RANBP17: variants seen among roughly 807,000 people sequenced by gnomAD.
RANBP17 encodes the protein RAN binding protein 17.
Under a neutral mutation model 141.2 loss-of-function variants are expected in RANBP17, and 158 were observed. That is an observed-to-expected ratio of 1.12 (90% CI 0.98 to 1.28). The LOEUF is 1.28. RANBP17 is among the 50% of genes most tolerant of loss of function. The pLI is 0.00. For missense variants in RANBP17, 1,438 were observed against 1,290.7 expected (o/e 1.11, Z -1.75); for synonymous variants, 430 against 450.0 (o/e 0.96, Z 0.56).
intron 14 of RANBP17, among the ~76,000 whole-genome samples, chr5:170,971,447 A>G (rs531765874): frequency 6.6e-6 from 1 of 152,182 alleles, no homozygotes; most frequent in Non-Finnish European, 1.5e-5. Context: ...GGGTTAACCA[A>G]TGTGTTTAAG....
At chr5:171,159,936 A>G (rs1051085330) in intron 14 of RANBP17, among the ~76,000 whole-genome samples, 50 of 151,010 alleles carry the variant, frequency 3.3e-4, no homozygotes, top group African/African-American at 7.0e-4. Flanking sequence ...AAAAAAAAAA[A>G]AAAAAGAAAA....
chr5:170,968,154 T>C (rs1277411618), intron 13 of RANBP17, 88 bp from the exon 14 acceptor site: 2 of 936,632 alleles, frequency 2.1e-6, no homozygotes, highest in East Asian at 5.2e-5. Context: ...AGTGATTATA[T>C]GTTATATTAC....
At chr5:171,176,789 A>G (rs1158337727) in intron 16 of RANBP17, among the ~76,000 whole-genome samples, 1 of 152,172 alleles carries the variant, frequency 6.6e-6, no homozygotes, top group East Asian at 1.9e-4. Flanking sequence ...TGCAGCTTTT[A>G]AACTTACCAA....
At chr5:170,884,038 C>G (rs893885110) in intron 3 of RANBP17, among the ~76,000 whole-genome samples, 3 of 152,174 alleles carry the variant, frequency 2.0e-5, no homozygotes, top group Non-Finnish European at 4.4e-5. Flanking sequence ...CACTGTCTTT[C>G]AAGGTGGCTG....
chr5:170,932,872 T>C (rs536165807), intron 12 of RANBP17, among the ~76,000 whole-genome samples: 2 of 151,898 alleles, frequency 1.3e-5, no homozygotes, highest in South Asian at 2.1e-4. Flanking sequence ...AAAATTCTCT[T>C]TTTTTTTGTT....
chr5:170,954,058 C>A (rs1340444704), intron 13 of RANBP17, among the ~76,000 whole-genome samples: 1 of 152,022 alleles, frequency 6.6e-6, no homozygotes, highest in Non-Finnish European at 1.5e-5. Context: ...AGTCAGTTAC[C>A]CATCGCAGGT....
Position 171,241,101 on chromosome 5 carries a change from T to A in RANBP17, c.2596T>A (p.Phe866Ile). The change falls in exon 23 of 28, where the codon TTT becomes ATT. Residue 866 changes from phenylalanine (F) to isoleucine (I), a missense_variant. Physicochemically the swap from Phe to Ile is conservative, Grantham distance 21. Coordinates refer to ENST00000523189, the MANE Select transcript of RANBP17 (RefSeq NM_022897.5). ...DNHFDNVLQA[F>I]VKMLLSVSHS... ...CCATTTTGACAATGTACTCCAGGCT[T>A]TTGTCAAAATGCTGCTGTCAGTGTC... 8.7e-6 allele frequency: 14 copies of A among 1,613,724 alleles called. No individual in the cohort carries two copies. Among genetic ancestry groups the A allele is most frequent in the African/African-American group, 1.3e-5 (1 of 74,972 alleles).
intron 14 of RANBP17, among the ~76,000 whole-genome samples, chr5:171,050,612 CAGA>C (rs1782893825): frequency 6.6e-6 from 1 of 152,022 alleles, no homozygotes; most frequent in Non-Finnish European, 1.5e-5. Context: ...GAGGCTGAGG[CAGA>C]AGGATGGCTT....
chr5:171,166,780 A>G (rs911327348), intron 14 of RANBP17, among the ~76,000 whole-genome samples: 14 of 152,224 alleles, frequency 9.2e-5, no homozygotes, highest in Non-Finnish European at 2.1e-4. Flanking sequence ...AAAATGAGAA[A>G]CAGTCTTTTA....
At chr5:171,226,024 T>C (rs1763858436) in intron 22 of RANBP17, among the ~76,000 whole-genome samples, 1 of 152,206 alleles carries the variant, frequency 6.6e-6, no homozygotes, top group Admixed American at 6.5e-5. Context: ...TACCACATTT[T>C]CTACTAGCCC....
chr5:171,082,095 C>G (rs1785287517), intron 14 of RANBP17, among the ~76,000 whole-genome samples: 1 of 152,058 alleles, frequency 6.6e-6, no homozygotes, highest in South Asian at 2.1e-4. Context: ...GTTCTTCTTC[C>G]TAGCCCTTAA....
At chr5:171,117,919 A>G (rs1304428699) in intron 14 of RANBP17, among the ~76,000 whole-genome samples, 1 of 152,048 alleles carries the variant, frequency 6.6e-6, no homozygotes, top group Non-Finnish European at 1.5e-5. Flanking sequence ...TCCCTTGCCA[A>G]TTAATAGTTT....
rs551823083 is a variant in RANBP17, at chr5:171,027,108, G to C, written c.1710+58731G>C. On this transcript the variant is annotated intron_variant, in intron 14 of 27. Transcript: ENST00000523189. ...CCACTATCCGTCCAGGGAAAAATTT[G>C]GTCCCTTGTGCCAAAAACACTGGGG... Among the ~76,000 whole-genome samples, 140 of 152,200 alleles carry C rather than the reference G, an allele frequency of 9.2e-4. 2 individuals are homozygous for C. In the South Asian group the frequency reaches 0.023, roughly 25 times the overall value.
At chr5:171,155,056 C>G (rs865872858) in intron 14 of RANBP17, among the ~76,000 whole-genome samples, 1 of 124,228 alleles carries the variant, frequency 8.0e-6, no homozygotes, top group Non-Finnish European at 1.6e-5. Flanking sequence ...CCAGCCTGGG[C>G]GACAGAGTGA....
intron 12 of RANBP17, among the ~76,000 whole-genome samples, chr5:170,952,097 G>A (rs909943462): frequency 4.6e-5 from 7 of 152,002 alleles, no homozygotes; most frequent in Non-Finnish European, 1.0e-4. Flanking sequence ...GGAAGAAAAA[G>A]CAGCTACCAC....
At chr5:171,196,405 G>T (rs941806961) in intron 18 of RANBP17, among the ~76,000 whole-genome samples, 2 of 152,120 alleles carry the variant, frequency 1.3e-5, no homozygotes, top group East Asian at 3.9e-4. Flanking sequence ...TTTATCTGTC[G>T]CTCAGAATAT....
At chr5:170,911,353 G>C (rs983980408) in intron 7 of RANBP17, 3 of 572,104 alleles carry the variant, frequency 5.2e-6, no homozygotes. Flanking sequence ...GAAAAAACAA[G>C]GACTGCACTA....
intron 14 of RANBP17, among the ~76,000 whole-genome samples, chr5:171,092,879 G>T (rs547839658): frequency 6.6e-6 from 1 of 152,056 alleles, no homozygotes; most frequent in African/African-American, 2.4e-5. Context: ...CTCTGTAGTC[G>T]GCATTTAATG....
intron 24 of RANBP17, chr5:171,252,289 A>C: frequency 6.4e-7 from 1 of 1,550,426 alleles, no homozygotes; most frequent in Non-Finnish European, 8.9e-7. Flanking sequence ...TAATATTAAT[A>C]ATGAAAATAA....
Sources: allele counts gnomAD v4.1 joint callset (sites outside exome capture counted in the v4.1 genomes callset), GRCh38; gene constraint gnomAD v4.1.1; transcripts MANE v1.5; gene names NCBI Gene and HGNC (gene_info 2026-07-23, HGNC 2026-07-21).